The following FBXO36 variants were observed in gnomAD, a reference collection of about 807,000 sequenced individuals.
FBXO36 encodes the protein F-box only protein 36.
FBXO36 carries 18 observed loss-of-function variants against 17.0 expected under a neutral mutation model. The ratio of observed to expected loss-of-function variants is 1.06; its 90% confidence interval spans 0.73 to 1.57. The LOEUF (loss-of-function observed/expected upper bound fraction) is 1.57. Among genes scored for constraint, FBXO36 ranks in the 40% most tolerant of loss-of-function variants. The pLI is 0.00. For synonymous variants in FBXO36, 83 were observed against 85.3 expected, an observed-to-expected ratio of 0.97 and a Z score of 0.15; for missense variants, 229 against 221.9, an observed-to-expected ratio of 1.03 and a Z score of -0.20.
chr2:229,982,053 T>G (rs1035671786), intron 2 of FBXO36, among the ~76,000 whole-genome samples: 1 of 151,566 alleles, frequency 6.6e-6, no homozygotes, highest in Admixed American at 6.6e-5. Flanking sequence ...AGACCTAGCC[T>G]CACTCTGTTG....
intron 1 of FBXO36, among the ~76,000 whole-genome samples, chr2:229,944,302 AC>A (rs2077014925): frequency 6.6e-6 from 1 of 152,230 alleles, no homozygotes; most frequent in Non-Finnish European, 1.5e-5. Flanking sequence ...AAGCTAGCAA[AC>A]AAAGGAGAGA....
At chr2:230,003,201 C>G (rs1430496368) in intron 3 of FBXO36, among the ~76,000 whole-genome samples, 2 of 122,936 alleles carry the variant, frequency 1.6e-5, no homozygotes, top group Non-Finnish European at 3.2e-5. Flanking sequence ...CAGAGCAAGA[C>G]TCCGTCTTAA....
intron 1 of FBXO36, among the ~76,000 whole-genome samples, chr2:229,946,654 T>A (rs1358593766): frequency 1.3e-5 from 2 of 152,178 alleles, no homozygotes; most frequent in Admixed American, 1.3e-4. Context: ...TCTTAAAGAC[T>A]GATAGAGGAG....
At chr2:229,923,923 G>T (rs1426732723) in intron 1 of FBXO36, among the ~76,000 whole-genome samples, 3 of 143,444 alleles carry the variant, frequency 2.1e-5, no homozygotes, top group Non-Finnish European at 4.5e-5. Flanking sequence ...CGCGATCTCG[G>T]CTCACTGCGA....
intron 1 of FBXO36, among the ~76,000 whole-genome samples, chr2:229,933,691 T>C (rs951488429): frequency 2.6e-5 from 4 of 152,030 alleles, no homozygotes; most frequent in African/African-American, 9.7e-5. Context: ...CCCCTCTATG[T>C]TGTTATTTTT....
chr2:229,925,615 G>A lies in FBXO36; in HGVS notation c.96+3006G>A, dbSNP rs2076908297. Among the ~76,000 whole-genome samples the A allele has an allele frequency of 3.3e-5, 5 of 151,804 alleles. No homozygotes were observed. The South Asian group carries it at 1.0e-3, about 32-fold the overall frequency. On this transcript the variant is annotated intron_variant, in intron 1 of 3. Coordinates refer to ENST00000283946, the MANE Select transcript of FBXO36 (RefSeq NM_174899.5). ...AGATTTAGATGAATCCTTCTTTCAT[G>A]CTGATTCTGTTTTTTAGTCTCTTTT... is the stretch of plus-strand genomic sequence containing the variant.
intron 2 of FBXO36, among the ~76,000 whole-genome samples, chr2:229,993,398 CAAAGCAGAA>C (rs2077308274): frequency 6.6e-6 from 1 of 152,174 alleles, no homozygotes; most frequent in African/African-American, 2.4e-5. Flanking sequence ...GATCGAAGAG[CAAAGCAGAA>C]GCCTTTATGA....
At chr2:229,996,726 C>T in intron 2 of FBXO36, 25 bp from the exon 3 acceptor site, 2 of 1,593,940 alleles carry the variant, frequency 1.3e-6, no homozygotes, top group African/African-American at 1.3e-5. Context: ...TATATGATAA[C>T]CATGTTGGCT....
In FBXO36 at chr2:229,955,153, G is replaced by C. The variant is rs554991318; in HGVS notation, c.97-21088G>C. Among the ~76,000 whole-genome samples the C allele has an allele frequency of 3.3e-5, 5 of 151,982 alleles. No individual in the cohort carries two copies. In the East Asian group the frequency reaches 9.7e-4, roughly 29 times the overall value. On this transcript the variant is annotated intron_variant, in intron 1 of 3. Coordinates refer to ENST00000283946, the MANE Select transcript of FBXO36 (RefSeq NM_174899.5). ...AGGTGTGAGCCACCGCGCCCAGCCC[G>C]ATCACCCTATTTAAAATTGAACCCT... is the stretch of plus-strand genomic sequence containing the variant.
rs570572146 is a variant in FBXO36, at chr2:229,996,736, T to G, written c.206-15T>G. On this transcript the variant is annotated splice_polypyrimidine_tract_variant and intron_variant, in intron 2 of 3. Coordinates refer to ENST00000283946, the MANE Select transcript of FBXO36 (RefSeq NM_174899.5). ...GACTGTATATGATAACCATGTTGGC[T>G]TCTTTGAATTACAGGTCAAACTGCC... 1 of 1,599,620 alleles carries G rather than the reference T, an allele frequency of 6.3e-7. No homozygotes were observed. Among genetic ancestry groups the G allele is most frequent in the Admixed American group, 1.7e-5 (1 of 58,010 alleles).
intron 3 of FBXO36, among the ~76,000 whole-genome samples, chr2:230,001,742 G>A (rs1043989302): frequency 1.3e-5 from 2 of 152,106 alleles, no homozygotes; most frequent in Non-Finnish European, 1.5e-5. Context: ...CTCAAGATCA[G>A]TGCTACCTGA....
rs556004871 is a variant in FBXO36 at position 229,979,663 on chromosome 2, C to A, written c.205+3314C>A. Among the ~76,000 whole-genome samples the A allele has an allele frequency of 8.6e-5, 13 of 151,696 alleles. No individual in the cohort carries two copies. The South Asian group carries it at 2.7e-3, about 32-fold the overall frequency. On this transcript the variant is annotated intron_variant, in intron 2 of 3. Transcript: ENST00000283946. ...GGTGTGGTTGTGCAAGCCTGTAATC[C>A]CAGCTACTTGGGAAGCTGAGGCAGG...
rs752930318 is a variant in FBXO36, at chr2:230,010,899, AC to A, written c.*17del. 25 of 1,592,418 alleles carry A rather than the reference AC, an allele frequency of 1.6e-5. No individual in the cohort carries two copies. Among genetic ancestry groups the A allele is most frequent in the Non-Finnish European group, 1.7e-6 (2 of 1,167,196 alleles). ...AGCAACCTTAGGCACACATTTTCCT[AC>A]CAGCAGGGAGCTCAGGCATGGCTGT... On this transcript the variant is annotated 3_prime_UTR_variant, in exon 4 of 4. Coordinates refer to ENST00000283946, the MANE Select transcript of FBXO36 (RefSeq NM_174899.5).
intron 3 of FBXO36, among the ~76,000 whole-genome samples, chr2:230,010,048 G>A (rs2077407302): frequency 6.6e-6 from 1 of 152,158 alleles, no homozygotes; most frequent in South Asian, 2.1e-4. Flanking sequence ...GATCACCTGA[G>A]GTCGGGAGCT....
intron 1 of FBXO36, among the ~76,000 whole-genome samples, chr2:229,955,334 G>A (rs1008166100): frequency 3.9e-5 from 6 of 151,974 alleles, no homozygotes; most frequent in Non-Finnish European, 7.4e-5. Context: ...TTTGAGCCTG[G>A]GCAATATGGC....
chr2:230,000,820 T>C lies in FBXO36; in HGVS notation c.378+3897T>C, dbSNP rs558918520. Among the ~76,000 whole-genome samples, 6 of 151,866 alleles carry C rather than the reference T, an allele frequency of 4.0e-5. No individual in the cohort carries two copies. The South Asian group carries it at 1.2e-3, about 32-fold the overall frequency. On this transcript the variant is annotated intron_variant, in intron 3 of 3. Coordinates refer to ENST00000283946, the MANE Select transcript of FBXO36 (RefSeq NM_174899.5). ...GGAACATGACTCAGGGCTGCTGCTTTTATTCTCCCCGCATAACATTAACCA... is the reference window on the plus strand; with the variant it reads ...GGAACATGACTCAGGGCTGCTGCTTCTATTCTCCCCGCATAACATTAACCA...
chr2:229,928,097 C>T (rs1277495844), intron 1 of FBXO36, among the ~76,000 whole-genome samples: 4 of 152,148 alleles, frequency 2.6e-5, no homozygotes, highest in Non-Finnish European at 4.4e-5. Context: ...CACATGTGCA[C>T]AAGGATATGT....
chr2:229,982,724 T>A (rs1457599593), intron 2 of FBXO36, among the ~76,000 whole-genome samples: 1 of 147,618 alleles, frequency 6.8e-6, no homozygotes, highest in African/African-American at 2.5e-5. Context: ...GGAGAATCGC[T>A]TGAAACTGGG....
At chr2:229,969,228 T>G (rs1309097374) in intron 1 of FBXO36, among the ~76,000 whole-genome samples, 1 of 151,732 alleles carries the variant, frequency 6.6e-6, no homozygotes, top group African/African-American at 2.4e-5. Context: ...TTTTTTTTTC[T>G]TTTTTGAGAC....
Sources: allele counts gnomAD v4.1 joint callset (sites outside exome capture counted in the v4.1 genomes callset), GRCh38; gene constraint gnomAD v4.1.1; transcripts MANE v1.5; gene names NCBI Gene and HGNC (gene_info 2026-07-23, HGNC 2026-07-21).